PRKN: variants seen among roughly 807,000 people sequenced by gnomAD.
The protein encoded by PRKN is parkin RBR E3 ubiquitin protein ligase, also known as E3 ubiquitin-protein ligase parkin.
Under a neutral mutation model 59.5 loss-of-function variants are expected in PRKN, and 56 were observed. The ratio of observed to expected loss-of-function variants is 0.94; its 90% CI spans 0.76 to 1.18. The LOEUF is 1.18. Among genes scored for constraint, PRKN ranks in the 50% most tolerant of loss-of-function variants. The probability of loss-of-function intolerance (pLI) is 0.00; values close to 1 mark genes in which losing one functional copy is unlikely to be tolerated. For synonymous variants in PRKN, 250 were observed against 222.1 expected (o/e 1.13, Z -1.12); for missense variants, 657 against 596.4 (o/e 1.10, Z -1.06).
chr6:162,155,879 T>G, intron 4 of PRKN, among the ~76,000 whole-genome samples: 1 of 151,382 alleles, frequency 6.6e-6, no homozygotes, highest in South Asian at 2.1e-4. Flanking sequence ...TAAGTGATTA[T>G]AAAACCATTT....
At chr6:161,974,039 G>A (rs1040396794) in intron 5 of PRKN, among the ~76,000 whole-genome samples, 1 of 152,214 alleles carries the variant, frequency 6.6e-6, no homozygotes, top group African/African-American at 2.4e-5. Context: ...GGTTGAGGCG[G>A]GCGGATCACC....
chr6:161,749,729 C>T (rs767567252), intron 7 of PRKN, among the ~76,000 whole-genome samples: 4 of 152,034 alleles, frequency 2.6e-5, no homozygotes, highest in Non-Finnish European at 4.4e-5. Context: ...CCCTCGGCCT[C>T]GGGGCTGACA....
chr6:161,863,325 TA>T (rs34638710), intron 6 of PRKN, among the ~76,000 whole-genome samples: 4,826 of 147,356 alleles, frequency 0.033, 241 homozygotes, highest in African/African-American at 0.11. Flanking sequence ...TTGGATTTAT[TA>T]AAAAAAAAAA....
At chr6:162,571,855 T>C (rs1780341960) in intron 1 of PRKN, among the ~76,000 whole-genome samples, 1 of 152,134 alleles carries the variant, frequency 6.6e-6, no homozygotes, top group African/African-American at 2.4e-5. Flanking sequence ...AACTGCACTA[T>C]CAATAAAATA....
intron 6 of PRKN, among the ~76,000 whole-genome samples, chr6:161,835,030 T>C (rs940038333): frequency 6.6e-6 from 1 of 152,146 alleles, no homozygotes; most frequent in African/African-American, 2.4e-5. Context: ...CTGCCCGCTG[T>C]GGCCAAGTCG....
At chr6:162,138,293 T>C (rs1781631219) in intron 4 of PRKN, among the ~76,000 whole-genome samples, 1 of 152,150 alleles carries the variant, frequency 6.6e-6, no homozygotes, top group Non-Finnish European at 1.5e-5. Context: ...AGGCATCTGG[T>C]AGAGTTGCCA....
At position 162,474,214 on chromosome 6, in the gene PRKN, C is replaced by T. The variant is rs79850118; in HGVS notation, c.8-30741G>A. Among the ~76,000 whole-genome samples, 1,258 of 152,136 alleles carry T rather than the reference C, an allele frequency of 8.3e-3. 21 individuals carry two copies. The highest frequency in any genetic ancestry group is 7.6e-3 in the Non-Finnish European group (520 of 67,974). On this transcript the variant is annotated intron_variant, in intron 1 of 11. Transcript: ENST00000366898. ...ATCCACGTTAAACTAATGTTAAGAA[C>T]GACAAAGGGAAGATACGCCAGCATA...
chr6:162,626,806 T>C (rs758858301), intron 1 of PRKN, among the ~76,000 whole-genome samples: 6 of 106,172 alleles, frequency 5.7e-5, no homozygotes, highest in African/African-American at 2.4e-4. Context: ...ACAGCGAGAC[T>C]CTGTCTCCAA....
At chr6:162,341,730 G>T (rs1784187901) in intron 2 of PRKN, among the ~76,000 whole-genome samples, 1 of 151,954 alleles carries the variant, frequency 6.6e-6, no homozygotes, top group African/African-American at 2.4e-5. Flanking sequence ...ATACAGGGAG[G>T]GGACCAACAC....
intron 5 of PRKN, among the ~76,000 whole-genome samples, chr6:162,011,196 A>T (rs1292168789): frequency 2.1e-5 from 2 of 95,942 alleles, no homozygotes; most frequent in African/African-American, 4.4e-5. Flanking sequence ...TATAATATAT[A>T]CTATATTATA....
At chr6:161,709,511 T>C (rs570738287) in intron 7 of PRKN, among the ~76,000 whole-genome samples, 28 of 152,334 alleles carry the variant, frequency 1.8e-4, no homozygotes, top group African/African-American at 6.5e-4. Context: ...TTGATATTAA[T>C]TTAACCTCTA....
In PRKN at chr6:161,456,409, C is replaced by T. The variant is rs1328258659; in HGVS notation, c.1084-69532G>A. On this transcript the variant is annotated intron_variant, in intron 9 of 11. Coordinates refer to ENST00000366898, the MANE Select transcript of PRKN (RefSeq NM_004562.3). The surrounding 1 kb of genome is among the most constrained non-coding windows in gnomAD (Gnocchi z 4.8). The stretch of plus-strand genomic sequence containing the variant: ...ACACCAGTGGTTTGCCAGGGGCTCT[C>T]AGGCCTTTGGCCACAGACTGAAGGC... Among the ~76,000 whole-genome samples, 3 of 152,214 alleles carry T rather than the reference C, an allele frequency of 2.0e-5. No individual in the cohort carries two copies. In the South Asian group the frequency reaches 6.2e-4, roughly 32 times the overall value.
At chr6:162,467,106 T>C (rs1266961890) in intron 1 of PRKN, among the ~76,000 whole-genome samples, 3 of 152,206 alleles carry the variant, frequency 2.0e-5, no homozygotes, top group Non-Finnish European at 2.9e-5. Flanking sequence ...TGACTTCTTA[T>C]GGAAGGCCTC....
At chr6:161,800,035 C>T (rs537301499) in intron 6 of PRKN, among the ~76,000 whole-genome samples, 3 of 152,060 alleles carry the variant, frequency 2.0e-5, no homozygotes, top group East Asian at 1.9e-4. Context: ...AGGAATTCAG[C>T]GCTTGGACAA....
At chr6:162,450,452 T>C (rs554289061) in intron 1 of PRKN, among the ~76,000 whole-genome samples, 11 of 142,456 alleles carry the variant, frequency 7.7e-5, no homozygotes, top group Admixed American at 3.4e-4. Flanking sequence ...GAATACAGCA[T>C]GGAAAGGGGA....
intron 7 of PRKN, among the ~76,000 whole-genome samples, chr6:161,748,387 C>T (rs1788526767): frequency 6.6e-6 from 1 of 150,994 alleles, no homozygotes; most frequent in African/African-American, 2.4e-5. Context: ...AAATGTGTAC[C>T]TAAAAATGAA....
chr6:162,577,817 T>A (rs1456634831), intron 1 of PRKN, among the ~76,000 whole-genome samples: 1 of 152,060 alleles, frequency 6.6e-6, no homozygotes, highest in Non-Finnish European at 1.5e-5. Flanking sequence ...TAGTCCCAGC[T>A]ACTTGAGAAG....
At chr6:161,702,963 G>A (rs1014211552) in intron 7 of PRKN, among the ~76,000 whole-genome samples, 2 of 147,832 alleles carry the variant, frequency 1.4e-5, no homozygotes, top group Non-Finnish European at 3.0e-5. Flanking sequence ...AAGAAAATAT[G>A]TACAAATCAT....
chr6:162,563,882 G>A (rs1453806978), intron 1 of PRKN, among the ~76,000 whole-genome samples: 3 of 151,886 alleles, frequency 2.0e-5, no homozygotes, highest in Non-Finnish European at 4.4e-5. Flanking sequence ...TTGGCATACT[G>A]AAGAATGTAT....
Sources: allele counts gnomAD v4.1 joint callset (sites outside exome capture counted in the v4.1 genomes callset), GRCh38; gene constraint gnomAD v4.1.1; non-coding constraint Gnocchi (gnomAD v3.1); transcripts MANE v1.5; gene names NCBI Gene and HGNC (gene_info 2026-07-23, HGNC 2026-07-21).